SUGCT: variants seen among roughly 807,000 people sequenced by gnomAD.
SUGCT encodes succinyl-CoA:glutarate-CoA transferase.
In SUGCT, 41 loss-of-function variants were observed where a neutral mutation model predicts 55.0. The observed-to-expected ratio is 0.74, with a 90% CI of 0.58 to 0.97. The LOEUF is 0.97. Ranked by LOEUF, SUGCT falls within the 50% of genes least tolerant of loss-of-function variation. The pLI, the probability that SUGCT is intolerant of heterozygous loss-of-function variation, is 0.00. For missense variants in SUGCT, 568 were observed against 547.8 expected (o/e 1.04, Z -0.37); for synonymous variants, 187 against 200.4 (o/e 0.93, Z 0.56).
chr7:40,300,554 T>A (rs1469164842), intron 8 of SUGCT, among the ~76,000 whole-genome samples: 1 of 152,132 alleles, frequency 6.6e-6, no homozygotes, highest in Non-Finnish European at 1.5e-5. Context: ...TAAAATATAG[T>A]TGTGGGTATG....
chr7:40,486,328 A>G (rs901438518), intron 11 of SUGCT, among the ~76,000 whole-genome samples: 1 of 151,944 alleles, frequency 6.6e-6, no homozygotes, highest in Admixed American at 6.6e-5. Context: ...TGTCTTTTTA[A>G]ATGTTTTTGG....
At chr7:40,633,668 A>G (rs1430860318) in intron 12 of SUGCT, among the ~76,000 whole-genome samples, 1 of 152,214 alleles carries the variant, frequency 6.6e-6, no homozygotes, top group African/African-American at 2.4e-5. Flanking sequence ...AATGAATCTC[A>G]AGCAAAACCC....
At chr7:40,192,957 G>A (rs2150742718) in intron 5 of SUGCT, among the ~76,000 whole-genome samples, 1 of 150,304 alleles carries the variant, frequency 6.7e-6, no homozygotes, top group Non-Finnish European at 1.5e-5. Flanking sequence ...TTTCTTTAGT[G>A]CTTGTAGTAG....
At chr7:40,172,894 A>G (rs1215260756) in intron 1 of SUGCT, among the ~76,000 whole-genome samples, 1 of 152,226 alleles carries the variant, frequency 6.6e-6, no homozygotes, top group Non-Finnish European at 1.5e-5. Flanking sequence ...ACTGGCCAAC[A>G]GGTGCCTGGT....
At chr7:40,667,458 A>G (rs1437113999) in intron 12 of SUGCT, among the ~76,000 whole-genome samples, 2 of 152,082 alleles carry the variant, frequency 1.3e-5, no homozygotes, top group African/African-American at 4.8e-5. Flanking sequence ...TGCTGGCTTC[A>G]TAGAATGAGT....
chr7:40,720,550 C>T (rs1786273020), intron 12 of SUGCT, among the ~76,000 whole-genome samples: 1 of 152,122 alleles, frequency 6.6e-6, no homozygotes, highest in African/African-American at 2.4e-5. Flanking sequence ...CTATTTGGGG[C>T]CCTTCAGTGG....
At chr7:40,509,591 T>C (rs1792810682) in intron 12 of SUGCT, among the ~76,000 whole-genome samples, 1 of 152,206 alleles carries the variant, frequency 6.6e-6, no homozygotes, top group South Asian at 2.1e-4. Flanking sequence ...AGGGTTTTTT[T>C]TACATTCTCT....
chr7:40,459,252 T>C, intron 11 of SUGCT, 54 bp downstream of exon 11: 1 of 1,149,202 alleles, frequency 8.7e-7, no homozygotes, highest in Non-Finnish European at 1.3e-6. Flanking sequence ...GATAAGCATT[T>C]ATCTGGTGTT....
intron 3 of SUGCT, 119 bp from the exon 4 acceptor site, chr7:40,188,376 G>A (rs1785667435): frequency 1.5e-6 from 1 of 675,704 alleles, no homozygotes; most frequent in Non-Finnish European, 2.5e-6. Flanking sequence ...AGAGGTTGCA[G>A]TGAGCAGAGA....
At chr7:40,468,112 T>C (rs1370826728) in intron 11 of SUGCT, among the ~76,000 whole-genome samples, 1 of 152,130 alleles carries the variant, frequency 6.6e-6, no homozygotes, top group Non-Finnish European at 1.5e-5. Flanking sequence ...GTGTCTGTAC[T>C]TTCATAAAGA....
At chr7:40,463,265 T>G (rs1409176436) in intron 11 of SUGCT, among the ~76,000 whole-genome samples, 1 of 152,300 alleles carries the variant, frequency 6.6e-6, no homozygotes. Context: ...AAACAAACTC[T>G]AGGAATGATG....
chr7:40,425,440 T>C (rs1787537658), intron 9 of SUGCT, among the ~76,000 whole-genome samples: 1 of 152,206 alleles, frequency 6.6e-6, no homozygotes, highest in Admixed American at 6.6e-5. Context: ...AACTGCCACC[T>C]GACCAATTTA....
intron 6 of SUGCT, among the ~76,000 whole-genome samples, chr7:40,227,733 T>C (rs2150847293): frequency 6.6e-6 from 1 of 152,144 alleles, no homozygotes; most frequent in African/African-American, 2.4e-5. Flanking sequence ...AAAGGACTCT[T>C]TTTTTAACAC....
chr7:40,154,143 A>G, intron 1 of SUGCT: 1 of 218,976 alleles, frequency 4.6e-6, no homozygotes, highest in South Asian at 8.3e-5. Context: ...AGATGGAGAA[A>G]CAGGAGCTCT....
At chr7:40,238,942 T>C (rs1193256524) in intron 7 of SUGCT, among the ~76,000 whole-genome samples, 3 of 151,890 alleles carry the variant, frequency 2.0e-5, no homozygotes, top group Non-Finnish European at 4.4e-5. Flanking sequence ...TGCCTCAGCC[T>C]CCCGAGTAGC....
chr7:40,923,596 C>T, the SUGCT span, among the ~76,000 whole-genome samples: 1 of 152,164 alleles, frequency 6.6e-6, no homozygotes, highest in East Asian at 1.9e-4. Flanking sequence ...CCTAAATCTT[C>T]TCTCCTCTAA....
chr7:40,427,299 A>G lies in SUGCT; in HGVS notation c.817-21988A>G, dbSNP rs1787635475. The stretch of plus-strand genomic sequence containing the variant: ...ATGGATAATTCTCACAAAGTTCTAT[A>G]AGATGGTCGTTATTTATATATTATA... On this transcript the variant is annotated intron_variant, in intron 9 of 13. Coordinates refer to ENST00000335693, the MANE Select transcript of SUGCT (RefSeq NM_001193313.2). Among the ~76,000 whole-genome samples, 2 of 152,146 alleles carry G rather than the reference A, an allele frequency of 1.3e-5. 1 individual carries two copies. The highest frequency in any genetic ancestry group is 2.9e-5 in the Non-Finnish European group (2 of 68,020).
intron 13 of SUGCT, among the ~76,000 whole-genome samples, chr7:40,830,907 A>G (rs1196349216): frequency 1.3e-5 from 2 of 152,162 alleles, no homozygotes; most frequent in African/African-American, 2.4e-5. Context: ...GCATCTCTCA[A>G]AGGAGGAAAG....
chr7:40,208,664 G>A (rs986077807), intron 6 of SUGCT, among the ~76,000 whole-genome samples: 1 of 151,670 alleles, frequency 6.6e-6, no homozygotes, highest in Non-Finnish European at 1.5e-5. Flanking sequence ...CCTGCCTCAG[G>A]CTCCTGAGTA....
Sources: gnomAD v4.1 joint callset for allele counts (sites outside exome capture counted in the v4.1 genomes callset) on GRCh38, gnomAD v4.1.1 for gene constraint, MANE v1.5 for transcripts, NCBI Gene and HGNC (gene_info 2026-07-23, HGNC 2026-07-21) for gene names.